Variants in NCAM2 observed in about 807,000 individuals in gnomAD.
The protein encoded by NCAM2 is neural cell adhesion molecule 2.
A neutral mutation model predicts 98.1 loss-of-function variants in NCAM2; 30 were observed. The observed-to-expected ratio is 0.31, with a 90% confidence interval of 0.23 to 0.41. NCAM2 has a LOEUF of 0.41. Ranked by LOEUF, NCAM2 falls within the 10% of genes least tolerant of loss-of-function variation. NCAM2 has a pLI of 1.00. For missense variants in NCAM2, 867 were observed against 1,005.8 expected, an observed-to-expected ratio of 0.86 and a Z score of 1.87; for synonymous variants, 368 against 342.4, an observed-to-expected ratio of 1.07 and a Z score of -0.83.
chr21:21,362,392 CTTTTTTTT>C (rs35130794), intron 8 of NCAM2, among the ~76,000 whole-genome samples: 1 of 147,324 alleles, frequency 6.8e-6, no homozygotes, highest in South Asian at 2.2e-4. Flanking sequence ...TCATATTCTA[CTTTTTTTT>C]TTTTTTAAAC....
chr21:21,444,375 T>C (rs1979769137), intron 12 of NCAM2, among the ~76,000 whole-genome samples: 1 of 152,208 alleles, frequency 6.6e-6, no homozygotes, highest in Non-Finnish European at 1.5e-5. Flanking sequence ...GTCCCTCCGT[T>C]TCAATTGTTT....
intron 17 of NCAM2, among the ~76,000 whole-genome samples, chr21:21,535,780 A>T (rs970296247): frequency 6.6e-6 from 1 of 152,116 alleles, no homozygotes; most frequent in South Asian, 2.1e-4. Flanking sequence ...ATTTTGGGAA[A>T]AAAGGGTAAT....
chr21:21,312,301 TTGAG>T (rs1182819503), intron 5 of NCAM2, among the ~76,000 whole-genome samples: 9 of 151,682 alleles, frequency 5.9e-5, no homozygotes, highest in African/African-American at 1.9e-4. Flanking sequence ...GATAAATTAA[TTGAG>T]TATTGATTAA....
At chr21:21,105,973 T>C (rs1235336944) in intron 1 of NCAM2, among the ~76,000 whole-genome samples, 2 of 152,156 alleles carry the variant, frequency 1.3e-5, no homozygotes, top group South Asian at 2.1e-4. Flanking sequence ...CAAGAGGGTA[T>C]GTTTATCATT....
intron 1 of NCAM2, among the ~76,000 whole-genome samples, chr21:21,094,618 G>C (rs2066080293): frequency 6.6e-6 from 1 of 151,648 alleles, no homozygotes; most frequent in Admixed American, 6.6e-5. Context: ...GTGATTTTAT[G>C]AATTTCAGTT....
In NCAM2 at chr21:21,485,887, T is replaced by C. The variant is rs1030715908; in HGVS notation, c.2077+8416T>C. Among the ~76,000 whole-genome samples the C allele has an allele frequency of 1.6e-4, 25 of 152,318 alleles. 1 individual carries two copies. Among genetic ancestry groups the C allele is most frequent in the Admixed American group, 9.8e-4 (15 of 15,310 alleles). On this transcript the variant is annotated intron_variant, in intron 15 of 17. Transcript: ENST00000400546. ...TCTTTTCATATGAGGGCTAGGCCTC[T>C]CTTTCATAGTAGATTTTCTTTTAAC...
At chr21:21,343,453 A>G (rs1259464961) in intron 8 of NCAM2, among the ~76,000 whole-genome samples, 1 of 152,008 alleles carries the variant, frequency 6.6e-6, no homozygotes, top group African/African-American at 2.4e-5. Flanking sequence ...TTAACTTCAT[A>G]TTGCTGAAAG....
chr21:21,118,136 A>G (rs1238705544), intron 1 of NCAM2, among the ~76,000 whole-genome samples: 6 of 152,200 alleles, frequency 3.9e-5, no homozygotes, highest in Non-Finnish European at 1.5e-5. Flanking sequence ...AGCAACAAAT[A>G]CAGAATATGT....
At chr21:21,116,282 T>G (rs947396237) in intron 1 of NCAM2, among the ~76,000 whole-genome samples, 2 of 152,008 alleles carry the variant, frequency 1.3e-5, no homozygotes, top group African/African-American at 4.8e-5. Flanking sequence ...AGTGGAGTGT[T>G]GAAGGGAAAA....
At chr21:21,433,776 A>AAAATAAAATAAAATAAAATAAAAT in intron 12 of NCAM2, among the ~76,000 whole-genome samples, 1 of 149,514 alleles carries the variant, frequency 6.7e-6, no homozygotes, top group South Asian at 2.1e-4. Context: ...AAAATAAAAT[A>AAAATAAAATAAAATAAAATAAAAT]AAATAAAATA....
chr21:21,285,127 G>A (rs988447490), intron 3 of NCAM2, among the ~76,000 whole-genome samples: 5 of 151,778 alleles, frequency 3.3e-5, no homozygotes, highest in Non-Finnish European at 1.5e-5. Context: ...TGGTACCTAT[G>A]TGATATATGG....
intron 15 of NCAM2, among the ~76,000 whole-genome samples, chr21:21,488,989 A>T (rs547344019): frequency 8.5e-4 from 129 of 151,718 alleles, no homozygotes; most frequent in South Asian, 1.7e-3. Flanking sequence ...ATTTTTATTT[A>T]TTTATTTTTT....
intron 14 of NCAM2, among the ~76,000 whole-genome samples, chr21:21,469,943 T>C (rs1363642392): frequency 6.6e-6 from 1 of 151,942 alleles, no homozygotes; most frequent in Non-Finnish European, 1.5e-5. Context: ...TGGCCAGAAT[T>C]CATGAATTGG....
intron 16 of NCAM2, 143 bp from the exon 17 acceptor site, chr21:21,534,394 G>A: frequency 1.7e-6 from 1 of 583,108 alleles, no homozygotes; most frequent in Non-Finnish European, 2.7e-6. Context: ...AAATGGTAAA[G>A]CATTTCTCAG....
intron 1 of NCAM2, among the ~76,000 whole-genome samples, chr21:21,024,566 G>GA (rs1239943615): frequency 2.0e-5 from 3 of 152,146 alleles, no homozygotes; most frequent in South Asian, 2.1e-4. Context: ...AACTTAAGTA[G>GA]AAAAAAACTT....
At chr21:21,472,541 G>C (rs1181253762) in intron 14 of NCAM2, among the ~76,000 whole-genome samples, 1 of 151,992 alleles carries the variant, frequency 6.6e-6, no homozygotes, top group Non-Finnish European at 1.5e-5. Context: ...TTTGCTGTAA[G>C]TTAAGAGGAT....
At chr21:21,389,345 A>C (rs539298859) in intron 9 of NCAM2, among the ~76,000 whole-genome samples, 1 of 152,214 alleles carries the variant, frequency 6.6e-6, no homozygotes, top group South Asian at 2.1e-4. Context: ...TGATTCAGTT[A>C]CCTCCCACCA....
intron 9 of NCAM2, among the ~76,000 whole-genome samples, chr21:21,392,560 G>A (rs1456631853): frequency 6.6e-6 from 1 of 152,070 alleles, no homozygotes; most frequent in African/African-American, 2.4e-5. Context: ...AATATACACT[G>A]CCACCAACAG....
chr21:21,336,116 A>G (rs2074860206), intron 7 of NCAM2, among the ~76,000 whole-genome samples: 3 of 152,178 alleles, frequency 2.0e-5, no homozygotes, highest in African/African-American at 7.2e-5. Context: ...TTCCATATTT[A>G]CCAAGAGCCA....
Sources: allele counts gnomAD v4.1 joint callset (sites outside exome capture counted in the v4.1 genomes callset), GRCh38; gene constraint gnomAD v4.1.1; transcripts MANE v1.5; gene names NCBI Gene and HGNC (gene_info 2026-07-23, HGNC 2026-07-21).